RAP1GAP2: variants seen among roughly 807,000 people sequenced by gnomAD.
The protein encoded by RAP1GAP2 is rap1 GTPase-activating protein 2.
RAP1GAP2 carries 27 observed loss-of-function variants against 95.0 expected under a neutral mutation model. That is an observed-to-expected ratio of 0.28 (90% CI 0.21 to 0.39). RAP1GAP2 has a LOEUF of 0.39. Among genes scored for constraint, RAP1GAP2 ranks in the 10% least tolerant of loss-of-function variants. The pLI is 1.00. For synonymous variants in RAP1GAP2, 373 were observed against 380.9 expected (o/e 0.98, Z 0.24); for missense variants, 771 against 970.0 (o/e 0.79, Z 2.72).
In RAP1GAP2 at chr17:2,927,374, C is replaced by T. The variant is rs370454344; in HGVS notation, c.165+22006C>T. Among the ~76,000 whole-genome samples the T allele has an allele frequency of 3.0e-3, 454 of 151,742 alleles. 3 individuals are homozygous for T. The highest frequency in any genetic ancestry group is 9.8e-3 in the African/African-American group (405 of 41,360). ...TTCACCGTGTTAGCCAGGATGGTCT[C>T]GATCTCCTGACCTCGTGATCCGCCC... is the stretch of plus-strand genomic sequence containing the variant. On this transcript the variant is annotated intron_variant, in intron 3 of 24. Transcript: ENST00000254695.
intron 2 of RAP1GAP2, among the ~76,000 whole-genome samples, chr17:2,859,661 C>G (rs1375270688): frequency 6.6e-6 from 1 of 152,176 alleles, no homozygotes; most frequent in African/African-American, 2.4e-5. Flanking sequence ...GTCTCGAACT[C>G]CTGGACTCAA....
intron 4 of RAP1GAP2, among the ~76,000 whole-genome samples, chr17:2,960,327 A>G (rs950342810): frequency 6.6e-6 from 1 of 151,946 alleles, no homozygotes; most frequent in Admixed American, 6.6e-5. Context: ...CAAACAAAAC[A>G]GACTCCTGCC....
intron 2 of RAP1GAP2, among the ~76,000 whole-genome samples, chr17:2,814,849 G>C (rs528860560): frequency 2.4e-4 from 37 of 152,238 alleles, no homozygotes; most frequent in African/African-American, 8.2e-4. Context: ...TGGGGTGTTG[G>C]GGGGGAGGGT....
intron 2 of RAP1GAP2, among the ~76,000 whole-genome samples, chr17:2,815,773 C>A (rs1007735903): frequency 2.6e-5 from 4 of 152,204 alleles, no homozygotes; most frequent in African/African-American, 9.6e-5. Flanking sequence ...CGAGCCACCG[C>A]ACCCGGCCCC....
chr17:2,957,716 C>T (rs745344765), intron 3 of RAP1GAP2, 43 bp from the exon 4 acceptor site: 68 of 1,595,272 alleles, frequency 4.3e-5, no homozygotes, highest in Middle Eastern at 1.7e-4. Context: ...GTGGACCTCC[C>T]GGCTGATCCC....
intron 1 of RAP1GAP2, among the ~76,000 whole-genome samples, chr17:2,766,850 C>CTA (rs1307232399): frequency 6.6e-6 from 1 of 152,180 alleles, no homozygotes; most frequent in Non-Finnish European, 1.5e-5. Context: ...CCCCAACTGT[C>CTA]TAACAGGGTC....
chr17:2,924,620 GA>G (rs1305249707), intron 3 of RAP1GAP2, among the ~76,000 whole-genome samples: 1 of 151,898 alleles, frequency 6.6e-6, no homozygotes, highest in East Asian at 1.9e-4. Context: ...GGTGGAGGGG[GA>G]AAGCGAATGA....
intron 2 of RAP1GAP2, among the ~76,000 whole-genome samples, chr17:2,862,503 A>G (rs1484992828): frequency 6.6e-6 from 1 of 152,086 alleles, no homozygotes; most frequent in East Asian, 1.9e-4. Context: ...CATTTTAAGC[A>G]GATGAAGCAC....
intron 2 of RAP1GAP2, among the ~76,000 whole-genome samples, chr17:2,846,869 G>A (rs1203829873): frequency 5.9e-5 from 9 of 152,156 alleles, no homozygotes; most frequent in African/African-American, 9.7e-5. Flanking sequence ...ATTAAGCCTA[G>A]GGACAAGTGG....
chr17:2,813,572 G>C (rs1218926396), intron 2 of RAP1GAP2, among the ~76,000 whole-genome samples: 3 of 152,190 alleles, frequency 2.0e-5, no homozygotes, highest in Admixed American at 2.0e-4. Flanking sequence ...CTGACTCTTT[G>C]TTTTACGGTG....
chr17:3,029,395 AC>A lies in RAP1GAP2; in HGVS notation c.2108-1522del, dbSNP rs1005903569. On this transcript the variant is annotated intron_variant, in intron 22 of 24. Transcript: ENST00000254695. The surrounding 1 kb of genome is among the most constrained non-coding windows in gnomAD (Gnocchi z 4.4). ...ATTTAACCCCGATGGGCTGCTTTTC[AC>A]CCCCAGCCCACGAAAGATGTGCTTG... 1.3e-5 allele frequency among the ~76,000 whole-genome samples: 2 copies of A among 151,618 alleles called. No individual in the cohort carries two copies. Among genetic ancestry groups the A allele is most frequent in the African/African-American group, 4.9e-5 (2 of 41,210 alleles).
rs1318897969 is a variant in RAP1GAP2 at position 3,026,980 on chromosome 17, G to A, written c.2017G>A (p.Glu673Lys). Residue 673 changes from glutamate (E) to lysine (K), a missense_variant, in exon 22 of 25, where the codon GAG becomes AAG. By Grantham distance (56) the Glu-to-Lys change is moderately conservative (BLOSUM62 1). Transcript: ENST00000254695. Reference sequence around the variant, plus strand: ...GTCCACGACCTCACCCTTCAAGCAGGAGGTGTTTGTCTACAGCCCGTCCCC... The same window carrying A: ...GTCCACGACCTCACCCTTCAAGCAGAAGGTGTTTGTCTACAGCCCGTCCCC... ...QPSTTSPFKQ[E>K]VFVYSPSPSS... 1.3e-6 allele frequency: 2 copies of A among 1,555,594 alleles called. No individual in the cohort carries two copies. The highest frequency in any genetic ancestry group is 1.7e-6 in the Non-Finnish European group (2 of 1,149,354).
chr17:2,809,328 C>A (rs963326336), intron 2 of RAP1GAP2, among the ~76,000 whole-genome samples: 2 of 152,222 alleles, frequency 1.3e-5, no homozygotes, highest in Admixed American at 6.5e-5. Context: ...AGGGGCTTTG[C>A]CTATTCACGG....
intron 11 of RAP1GAP2, among the ~76,000 whole-genome samples, chr17:2,986,197 C>T (rs1815141600): frequency 1.3e-5 from 2 of 152,006 alleles, no homozygotes; most frequent in South Asian, 4.2e-4. Flanking sequence ...AGATATTGGC[C>T]CTTAAGAGAC....
intron 2 of RAP1GAP2, among the ~76,000 whole-genome samples, chr17:2,884,299 A>G (rs1339572257): frequency 6.6e-6 from 1 of 151,658 alleles, no homozygotes; most frequent in African/African-American, 2.4e-5. Flanking sequence ...TGCTTCTTCA[A>G]TCACTCCTTC....
At chr17:2,796,386 G>A (rs910439276), upstream of RAP1GAP2, 2 of 866,050 alleles carry the variant, frequency 2.3e-6, no homozygotes, top group Non-Finnish European at 3.7e-6. This position sits in a 1 kb window ranked among gnomAD's most constrained non-coding sequence, Gnocchi z 4.7. Context: ...AGCTCGGGTT[G>A]GGGGCAGGCG....
At chr17:3,002,951 A>T (rs2046212361) in intron 14 of RAP1GAP2, among the ~76,000 whole-genome samples, 1 of 151,970 alleles carries the variant, frequency 6.6e-6, no homozygotes, top group Non-Finnish European at 1.5e-5. Flanking sequence ...CTATTTCAGG[A>T]GCCCTTTACT....
chr17:2,931,561 C>T (rs1458791927), intron 3 of RAP1GAP2, among the ~76,000 whole-genome samples: 1 of 152,150 alleles, frequency 6.6e-6, no homozygotes, highest in Non-Finnish European at 1.5e-5. Flanking sequence ...GTGGGGCAAT[C>T]GTGTTATTTA....
chr17:2,942,394 G>A (rs1265420604), intron 3 of RAP1GAP2, among the ~76,000 whole-genome samples: 1 of 152,070 alleles, frequency 6.6e-6, no homozygotes, highest in African/African-American at 2.4e-5. Flanking sequence ...TGAAACTTGG[G>A]GGCTGATTTG....
Sources: allele counts gnomAD v4.1 joint callset (sites outside exome capture counted in the v4.1 genomes callset), GRCh38; gene constraint gnomAD v4.1.1; non-coding constraint Gnocchi (gnomAD v3.1); transcripts MANE v1.5; gene names NCBI Gene and HGNC (gene_info 2026-07-23, HGNC 2026-07-21).